Variants in CFAP184 observed in about 807,000 individuals in gnomAD.
The protein encoded by CFAP184 is cilia- and flagella-associated protein 184.
chr4:7,042,912 C>T, the CFAP184 span: 2 of 1,542,922 alleles, frequency 1.3e-6, no homozygotes, highest in East Asian at 4.8e-5. Context: ...CGCCGGGGTC[C>T]TTAGTGTGCT....
At chr4:7,041,912 C>G in the CFAP184 span, 1 of 1,612,734 alleles carries the variant, frequency 6.2e-7, no homozygotes, top group East Asian at 2.2e-5. Flanking sequence ...CGACAGCTGC[C>G]CATGGCCTGC....
At chr4:7,042,659 G>GGGGCTC in the CFAP184 span, 1 of 1,502,226 alleles carries the variant, frequency 6.7e-7, no homozygotes, top group South Asian at 1.3e-5. Flanking sequence ...GGCTCGGGCT[G>GGGGCTC]GGGCTCGGCC....
the CFAP184 span, chr4:7,041,891 C>A: frequency 8.7e-6 from 14 of 1,611,888 alleles, no homozygotes; most frequent in African/African-American, 1.6e-4. Context: ...GCCTGGCGCC[C>A]GCCCCTCATC....
At chr4:7,042,892 C>T in the CFAP184 span, 1 of 1,552,460 alleles carries the variant, frequency 6.4e-7, no homozygotes, top group Non-Finnish European at 8.7e-7. Context: ...TTCCCCGTCT[C>T]CGCCTTCCCC....
the CFAP184 span, chr4:7,042,602 G>A: frequency 6.6e-7 from 1 of 1,524,824 alleles, no homozygotes. Context: ...CCGGCTCCGG[G>A]CTCCGGCTGG....
chr4:7,042,452 C>G, the CFAP184 span: 3 of 1,611,404 alleles, frequency 1.9e-6, no homozygotes, highest in East Asian at 2.2e-5. Context: ...TCCACCCGCT[C>G]TGTCTCGGCC....
At chr4:7,041,782 A>G in the CFAP184 span, 3 of 1,612,418 alleles carry the variant, frequency 1.9e-6, no homozygotes, top group Non-Finnish European at 2.5e-6. Context: ...AAAATGCACC[A>G]GGCTCTGCTT....
the CFAP184 span, chr4:7,041,298 C>G: frequency 1.9e-6 from 3 of 1,606,268 alleles, no homozygotes; most frequent in South Asian, 3.3e-5. Flanking sequence ...CTTTGGCCTC[C>G]CTGATCTTCT....
the CFAP184 span, chr4:7,041,798 G>T: frequency 6.2e-7 from 1 of 1,611,664 alleles, no homozygotes; most frequent in Admixed American, 1.7e-5. Flanking sequence ...TGCTTCAGCT[G>T]AATGTTCTCC....
At chr4:7,041,231 T>A in the CFAP184 span, 4 of 1,527,542 alleles carry the variant, frequency 2.6e-6, no homozygotes, top group Non-Finnish European at 3.5e-6. Flanking sequence ...CAGCACGTCC[T>A]GAGGATGAAG....
At chr4:7,041,565 C>T in the CFAP184 span, 18 of 1,614,144 alleles carry the variant, frequency 1.1e-5, no homozygotes, top group African/African-American at 5.3e-5. Context: ...TCTTTTTGCA[C>T]GCGTTCTCCA....
chr4:7,042,951 C>A, the CFAP184 span: 6 of 1,412,148 alleles, frequency 4.2e-6, no homozygotes, highest in East Asian at 5.4e-5. Context: ...CCTCCCGGCT[C>A]GGCCAGCGCA....
chr4:7,042,574 G>A, the CFAP184 span: 9 of 1,557,320 alleles, frequency 5.8e-6, no homozygotes, highest in Admixed American at 9.3e-5. Flanking sequence ...CCCCGCCTCC[G>A]CCTCTAGTTC....
the CFAP184 span, chr4:7,042,865 G>A: frequency 6.4e-7 from 1 of 1,570,002 alleles, no homozygotes; most frequent in South Asian, 1.2e-5. Flanking sequence ...GATCTTGGAC[G>A]GCCGCGCGGC....
At chr4:7,042,341 GC>G in the CFAP184 span, 43 of 1,607,078 alleles carry the variant, frequency 2.7e-5, no homozygotes, top group Admixed American at 1.5e-4. Context: ...CCATAGAGGC[GC>G]TTCCCCTCTT....
chr4:7,041,816 C>T, the CFAP184 span: 3 of 1,610,430 alleles, frequency 1.9e-6, no homozygotes, highest in Non-Finnish European at 2.5e-6. Context: ...TCCAGCCGCA[C>T]GGCGCTCATC....
At chr4:7,042,915 A>C in the CFAP184 span, 1 of 1,538,446 alleles carries the variant, frequency 6.5e-7, no homozygotes, top group African/African-American at 1.4e-5. Flanking sequence ...CGGGGTCCTT[A>C]GTGTGCTCAG....
the CFAP184 span, chr4:7,042,826 G>T: frequency 6.4e-7 from 1 of 1,570,740 alleles, no homozygotes. Flanking sequence ...CCCGGGTTCG[G>T]GAGAGGTCGG....
chr4:7,041,647 T>C, the CFAP184 span: 1 of 1,614,218 alleles, frequency 6.2e-7, no homozygotes, highest in African/African-American at 1.3e-5. Context: ...GCTGCGAAGT[T>C]TTAAAAGTTC....
Sources: allele counts gnomAD v4.1 joint callset, GRCh38; gene constraint gnomAD v4.1.1; transcripts MANE v1.5; gene names NCBI Gene and HGNC (gene_info 2026-07-23, HGNC 2026-07-21).